DISP1: variants seen among roughly 807,000 people sequenced by gnomAD.
DISP1 encodes the protein dispatched RND transporter family member 1, also known as protein dispatched homolog 1.
DISP1 carries 30 observed loss-of-function variants against 37.3 expected under a neutral mutation model. That is an observed-to-expected ratio of 0.80 (90% CI 0.60 to 1.09). DISP1 has a LOEUF of 1.09. DISP1 is among the 50% of genes least tolerant of loss of function. The probability of loss-of-function intolerance (pLI) is 0.00; values close to 1 mark genes in which losing one functional copy is unlikely to be tolerated. For missense variants in DISP1, 1,598 were observed against 1,879.5 expected, an observed-to-expected ratio of 0.85 and a Z score of 2.77; for synonymous variants, 634 against 690.2, an observed-to-expected ratio of 0.92 and a Z score of 1.28.
chr1:222,820,415 A>T (rs1261555060), intron 1 of DISP1, among the ~76,000 whole-genome samples: 1 of 152,148 alleles, frequency 6.6e-6, no homozygotes, highest in Non-Finnish European at 1.5e-5. Flanking sequence ...GACCTTAAGG[A>T]TAGGGAACAC....
intron 3 of DISP1, among the ~76,000 whole-genome samples, chr1:222,977,582 C>T (rs1043199871): frequency 7.5e-5 from 11 of 146,546 alleles, no homozygotes; most frequent in African/African-American, 2.5e-4. Flanking sequence ...ATGTGCACAA[C>T]GTGCAGGTTA....
Position 223,002,604 on chromosome 1 carries a change from G to A in DISP1, c.1207G>A (p.Ala403Thr), listed in dbSNP as rs773217795. ...TLGPDCWDMA[A>T]RRKDQLKCTN... ...GGGGCCAGACTGCTGGGACATGGCAGCCAGAAGAAAGGACCAGCTCAAGTG... is the reference window on the plus strand; with the variant it reads ...GGGGCCAGACTGCTGGGACATGGCAACCAGAAGAAAGGACCAGCTCAAGTG... Residue 403 changes from alanine to threonine, a missense_variant, in exon 9 of 9, where the codon GCC becomes ACC. Transcript: ENST00000675850. 2 of 1,614,180 alleles carry A rather than the reference G, an allele frequency of 1.2e-6. No individual in the cohort carries two copies. The highest frequency in any genetic ancestry group is 3.3e-5 in the Admixed American group (2 of 60,026).
intron 3 of DISP1, among the ~76,000 whole-genome samples, chr1:222,982,403 T>G (rs550350469): frequency 6.6e-6 from 1 of 152,264 alleles, no homozygotes; most frequent in South Asian, 2.1e-4. Flanking sequence ...TTCCAGTAAA[T>G]AGGAAAAAAA....
intron 1 of DISP1, among the ~76,000 whole-genome samples, chr1:222,913,990 G>GT (rs1265586582): frequency 2.2e-5 from 3 of 136,912 alleles, no homozygotes; most frequent in Non-Finnish European, 4.7e-5. Flanking sequence ...TGTTATATGT[G>GT]TTTTTTTGGT....
rs1378403958 is a variant in DISP1 at position 222,988,787 on chromosome 1, G to T, written c.540-1838G>T. ...TCCTGCCTCAGCCTCCCAAGTAGCTGGGACTACAGGCGTGTGCCACCATGC... is the reference window on the plus strand; with the variant it reads ...TCCTGCCTCAGCCTCCCAAGTAGCTTGGACTACAGGCGTGTGCCACCATGC... On this transcript the variant is annotated intron_variant, in intron 4 of 8. Transcript: ENST00000675850. Among the ~76,000 whole-genome samples, 3 of 151,674 alleles carry T rather than the reference G, an allele frequency of 2.0e-5. No individual in the cohort carries two copies. The East Asian group carries it at 5.8e-4, about 29-fold the overall frequency.
chr1:222,909,412 A>G (rs1433635981), intron 1 of DISP1, among the ~76,000 whole-genome samples: 2 of 152,196 alleles, frequency 1.3e-5, no homozygotes, highest in Admixed American at 6.5e-5. Context: ...TAAAACCTAT[A>G]TGCCACTAGG....
chr1:222,840,056 A>G (rs549516322), intron 1 of DISP1, among the ~76,000 whole-genome samples: 121 of 152,350 alleles, frequency 7.9e-4, no homozygotes, highest in Non-Finnish European at 1.2e-3. Context: ...CTGTTTTATA[A>G]TAAAGAGTTG....
intron 1 of DISP1, among the ~76,000 whole-genome samples, chr1:222,823,629 A>G (rs988252709): frequency 2.0e-5 from 3 of 152,198 alleles, no homozygotes; most frequent in Non-Finnish European, 4.4e-5. Context: ...CAATATATCC[A>G]TGTAACAAAA....
Position 222,990,629 on chromosome 1 carries a change from G to A in DISP1, c.544G>A (p.Ala182Thr). 1.2e-6 allele frequency: 2 copies of A among 1,613,980 alleles called. No individual in the cohort carries two copies. The highest frequency in any genetic ancestry group is 2.2e-5 in the South Asian group (2 of 91,078). Reference sequence around the variant, plus strand: ...ACACTTCTTTGTGTTTTGTAGTTATGCAGCCCTGATAGCCGACTGGCCGGT... The same window carrying A: ...ACACTTCTTTGTGTTTTGTAGTTATACAGCCCTGATAGCCGACTGGCCGGT... ...SRPFKLPKSY[A>T]ALIADWPVVV... Residue 182 changes from alanine (A) to threonine (T), a missense_variant, in exon 5 of 9, where the codon GCA becomes ACA. Transcript: ENST00000675850.
chr1:222,918,487 CAACTGTT>C (rs1672617552), intron 1 of DISP1, among the ~76,000 whole-genome samples: 2 of 152,112 alleles, frequency 1.3e-5, no homozygotes, highest in African/African-American at 4.8e-5. Context: ...ATATATTGCT[CAACTGTT>C]GCTTATTCCC....
intron 5 of DISP1, among the ~76,000 whole-genome samples, chr1:222,991,099 A>T (rs1678666857): frequency 6.6e-6 from 1 of 152,212 alleles, no homozygotes; most frequent in Non-Finnish European, 1.5e-5. Context: ...TTACTAACAG[A>T]TCACAGAGTC....
chr1:222,964,724 T>A (rs917077682), intron 3 of DISP1, among the ~76,000 whole-genome samples: 1 of 152,252 alleles, frequency 6.6e-6, no homozygotes, highest in African/African-American at 2.4e-5. Context: ...CATGTTGTAC[T>A]TTAACACCTT....
chr1:222,877,527 A>C (rs1670032591), intron 1 of DISP1, among the ~76,000 whole-genome samples: 1 of 152,216 alleles, frequency 6.6e-6, no homozygotes, highest in African/African-American at 2.4e-5. Context: ...GTACAATTCA[A>C]GATGAGATTT....
At chr1:222,838,619 T>C (rs1220626830) in intron 1 of DISP1, among the ~76,000 whole-genome samples, 2 of 151,906 alleles carry the variant, frequency 1.3e-5, no homozygotes, top group African/African-American at 4.8e-5. Context: ...AAAAAAAAAT[T>C]AGCTGGGCAT....
intron 1 of DISP1, among the ~76,000 whole-genome samples, chr1:222,909,421 G>A (rs1672088260): frequency 6.6e-6 from 1 of 152,130 alleles, no homozygotes; most frequent in African/African-American, 2.4e-5. Flanking sequence ...TATGCCACTA[G>A]GATTGTTTAT....
At chr1:222,873,301 A>G (rs1438630840) in intron 1 of DISP1, among the ~76,000 whole-genome samples, 2 of 152,192 alleles carry the variant, frequency 1.3e-5, no homozygotes, top group Non-Finnish European at 2.9e-5. Flanking sequence ...TGCTTGGTGC[A>G]GAGCTGAGTT....
chr1:222,954,767 T>C (rs1675469426), intron 3 of DISP1, among the ~76,000 whole-genome samples: 1 of 151,974 alleles, frequency 6.6e-6, no homozygotes, highest in Non-Finnish European at 1.5e-5. Flanking sequence ...ATCCCAGCAC[T>C]TGAGGCCGAG....
chr1:222,936,821 A>T (rs1197072141), intron 2 of DISP1, among the ~76,000 whole-genome samples: 52 of 49,886 alleles, frequency 1.0e-3, no homozygotes, highest in South Asian at 2.8e-3. Flanking sequence ...AATTATATAT[A>T]ATATATATAA....
intron 1 of DISP1, among the ~76,000 whole-genome samples, chr1:222,900,821 G>A (rs1358947253): frequency 6.6e-6 from 1 of 152,148 alleles, no homozygotes; most frequent in African/African-American, 2.4e-5. Context: ...AGTGATGAGT[G>A]GGAGCTAAAG....
Sources: allele counts gnomAD v4.1 joint callset (sites outside exome capture counted in the v4.1 genomes callset), GRCh38; gene constraint gnomAD v4.1.1; transcripts MANE v1.5; gene names NCBI Gene and HGNC (gene_info 2026-07-23, HGNC 2026-07-21).